The following SFXN5 variants were observed in gnomAD, a reference collection of about 807,000 sequenced individuals.
SFXN5 encodes the protein sideroflexin-5.
SFXN5 carries 43 observed loss-of-function variants against 50.2 expected under a neutral mutation model. That is an observed-to-expected ratio of 0.86 (90% CI 0.67 to 1.11). The LOEUF is 1.11. Among genes scored for constraint, SFXN5 ranks in the 50% least tolerant of loss-of-function variants. The pLI is 0.00. For missense variants in SFXN5, 463 were observed against 454.1 expected (o/e 1.02, Z -0.18); for synonymous variants, 203 against 185.8 (o/e 1.09, Z -0.75).
chr2:73,048,361 A>G (rs980401059), intron 2 of SFXN5, among the ~76,000 whole-genome samples: 2 of 152,130 alleles, frequency 1.3e-5, no homozygotes, highest in African/African-American at 2.4e-5. Context: ...GATTACAGGC[A>G]TGTGCCACCA....
At chr2:73,047,300 A>AAT (rs201387989) in intron 2 of SFXN5, among the ~76,000 whole-genome samples, 23,148 of 103,174 alleles carry the variant, frequency 0.22, 4,319 homozygotes, top group African/African-American at 0.44. Flanking sequence ...ATATATATAA[A>AAT]ATATATATGT....
At chr2:73,071,261 C>A (rs1683579065) in intron 1 of SFXN5, 1 of 291,252 alleles carries the variant, frequency 3.4e-6, no homozygotes, top group African/African-American at 2.2e-5. Flanking sequence ...AGCTGCACAA[C>A]CCGGAGCGAC....
At chr2:72,955,476 G>T (rs185718609) in intron 13 of SFXN5, among the ~76,000 whole-genome samples, 62 of 152,344 alleles carry the variant, frequency 4.1e-4, no homozygotes, top group Non-Finnish European at 5.6e-4. Flanking sequence ...GGACTGCGGT[G>T]GGGGAGAGCC....
intron 3 of SFXN5, among the ~76,000 whole-genome samples, chr2:73,029,136 C>T (rs1677973094): frequency 6.6e-6 from 1 of 152,164 alleles, no homozygotes; most frequent in South Asian, 2.1e-4. Context: ...CCCCGAGCCT[C>T]CCACGGAGAA....
chr2:73,043,937 T>A (rs1377298796), intron 2 of SFXN5, among the ~76,000 whole-genome samples: 1 of 152,110 alleles, frequency 6.6e-6, no homozygotes, highest in Non-Finnish European at 1.5e-5. Context: ...TGAACCAAGT[T>A]TAGTCAGACC....
chr2:72,969,521 AG>A (rs1674897273), intron 11 of SFXN5, among the ~76,000 whole-genome samples: 2 of 151,800 alleles, frequency 1.3e-5, no homozygotes, highest in African/African-American at 4.8e-5. Context: ...CAGCCTCTCG[AG>A]TAGCTGGGAT....
At chr2:73,022,307 C>G (rs924159936) in intron 5 of SFXN5, among the ~76,000 whole-genome samples, 3 of 152,178 alleles carry the variant, frequency 2.0e-5, no homozygotes, top group African/African-American at 7.2e-5. Context: ...ACCCCAACTG[C>G]TCAGGCAGAA....
Position 72,999,016 on chromosome 2 carries a change from T to C in SFXN5, c.469-2A>G. 1 of 1,614,068 alleles carries C rather than the reference T, an allele frequency of 6.2e-7. No homozygotes were observed. The highest frequency in any genetic ancestry group is 2.2e-5 in the East Asian group (1 of 44,874). On this transcript the variant is annotated splice_acceptor_variant, in intron 8 of 13. Coordinates refer to ENST00000272433, the MANE Select transcript of SFXN5 (RefSeq NM_144579.3). LOFTEE classifies it high-confidence loss of function. ...GATGAACTTGGATGCAGGTGAAGGC[T>C]GGAAAACAGAGGCAGAATTTCAGGC...
Position 72,969,007 on chromosome 2 carries a change from C to T in SFXN5, c.742-474G>A, listed in dbSNP as rs1348071437. Among the ~76,000 whole-genome samples the T allele has an allele frequency of 3.3e-5, 5 of 152,174 alleles. No homozygotes were observed. The East Asian group carries it at 9.7e-4, about 30-fold the overall frequency. ...TAGTAGGGATGGGATGGGGTTTCGC[C>T]ATGTTGGCCAGGCTGGTCTCGAACT... On this transcript the variant is annotated intron_variant, in intron 11 of 13. Coordinates refer to ENST00000272433, the MANE Select transcript of SFXN5 (RefSeq NM_144579.3).
At chr2:72,951,721 G>A (rs1230483005) in intron 13 of SFXN5, among the ~76,000 whole-genome samples, 2 of 151,762 alleles carry the variant, frequency 1.3e-5, no homozygotes, top group South Asian at 2.1e-4. Context: ...GCATGGGGCT[G>A]GGGGGGTGGG....
At chr2:73,026,145 T>TTTTTTTTG (rs1677527226) in intron 3 of SFXN5, among the ~76,000 whole-genome samples, 1 of 150,390 alleles carries the variant, frequency 6.6e-6, no homozygotes, top group Non-Finnish European at 1.5e-5. Flanking sequence ...TTTCTTTTTT[T>TTTTTTTTG]GAGACAGAGT....
rs147108583 is a variant in SFXN5 at position 73,027,650 on chromosome 2, T to C, written c.250-4436A>G. On this transcript the variant is annotated intron_variant, in intron 3 of 13. Coordinates refer to ENST00000272433, the MANE Select transcript of SFXN5 (RefSeq NM_144579.3). The stretch of plus-strand genomic sequence containing the variant: ...ATGGTAAGTGTTCTATGAAGGTGTA[T>C]CATTTTTTATCTTTTTTTTTTCTTT... Among the ~76,000 whole-genome samples the C allele has an allele frequency of 9.0e-3, 1,365 of 152,166 alleles. 10 individuals carry two copies. Among genetic ancestry groups the C allele is most frequent in the Middle Eastern group, 0.02 (6 of 294 alleles).
chr2:72,969,406 GT>G (rs1282531437), intron 11 of SFXN5, among the ~76,000 whole-genome samples: 1 of 151,860 alleles, frequency 6.6e-6, no homozygotes, highest in Non-Finnish European at 1.5e-5. Flanking sequence ...TTGTTTGTTT[GT>G]TTTTTAGATG....
At chr2:73,017,191 G>C (rs755172971) in intron 6 of SFXN5, among the ~76,000 whole-genome samples, 4 of 152,152 alleles carry the variant, frequency 2.6e-5, no homozygotes, top group African/African-American at 9.7e-5. Flanking sequence ...GCAGATATTT[G>C]TATCTGTTTA....
intron 12 of SFXN5, among the ~76,000 whole-genome samples, chr2:72,963,075 C>T (rs984886436): frequency 2.6e-5 from 4 of 152,108 alleles, no homozygotes; most frequent in African/African-American, 9.7e-5. Context: ...AGATGAGGAG[C>T]GGGGGATACA....
intron 2 of SFXN5, among the ~76,000 whole-genome samples, chr2:73,045,783 C>T (rs1489862306): frequency 6.6e-6 from 1 of 152,082 alleles, no homozygotes; most frequent in African/African-American, 2.4e-5. Context: ...CTCTTGTCTT[C>T]CCTCAGCCAT....
intron 13 of SFXN5, among the ~76,000 whole-genome samples, chr2:72,954,726 C>T (rs1164962281): frequency 6.6e-6 from 1 of 152,180 alleles, no homozygotes; most frequent in Non-Finnish European, 1.5e-5. Context: ...AGGCTAAGGC[C>T]CTGCCCACTT....
chr2:72,960,268 G>GC lies in SFXN5; in HGVS notation c.945+862dup, dbSNP rs1673569744. ...TGACCCACTGCCCTCCCTCGAACCTGCCCCCGCCTGGCTCCATCTCATTAA... is the reference window on the plus strand; with the variant it reads ...TGACCCACTGCCCTCCCTCGAACCTGCCCCCCGCCTGGCTCCATCTCATTAA... On this transcript the variant is annotated intron_variant, in intron 13 of 13. Coordinates refer to ENST00000272433, the MANE Select transcript of SFXN5 (RefSeq NM_144579.3). The surrounding 1 kb of genome is among the most constrained non-coding windows in gnomAD (Gnocchi z 6.1). 6.6e-6 allele frequency among the ~76,000 whole-genome samples: 1 copy of GC among 151,910 alleles called. No homozygotes were observed. Among genetic ancestry groups the GC allele is most frequent in the African/African-American group, 2.4e-5 (1 of 41,340 alleles).
intron 1 of SFXN5, among the ~76,000 whole-genome samples, chr2:73,064,612 C>T (rs1683046418): frequency 6.6e-6 from 1 of 152,146 alleles, no homozygotes; most frequent in Non-Finnish European, 1.5e-5. Context: ...ACTCTCAGCC[C>T]ACACAAATCT....
Sources: allele counts gnomAD v4.1 joint callset (sites outside exome capture counted in the v4.1 genomes callset), GRCh38; gene constraint gnomAD v4.1.1; non-coding constraint Gnocchi (gnomAD v3.1); transcripts MANE v1.5; gene names NCBI Gene and HGNC (gene_info 2026-07-23, HGNC 2026-07-21).